Variants in PPARGC1A observed in about 807,000 individuals in gnomAD.
The protein encoded by PPARGC1A is PPARG coactivator 1 alpha, also known as peroxisome proliferator-activated receptor gamma coactivator 1-alpha.
A neutral mutation model predicts 88.7 loss-of-function variants in PPARGC1A; 25 were observed. The ratio of observed to expected loss-of-function variants is 0.28; its 90% CI spans 0.21 to 0.39. The LOEUF (loss-of-function observed/expected upper bound fraction) is 0.39, where lower values mean the gene tolerates loss of function less well. PPARGC1A is among the 10% of genes least tolerant of loss of function. The probability of loss-of-function intolerance (pLI) is 1.00; values close to 1 mark genes in which losing one functional copy is unlikely to be tolerated. For synonymous variants in PPARGC1A, 363 were observed against 355.6 expected (o/e 1.02, Z -0.24); for missense variants, 880 against 968.7 (o/e 0.91, Z 1.22).
the PPARGC1A span, among the ~76,000 whole-genome samples, chr4:24,094,518 A>T: frequency 6.6e-6 from 1 of 152,210 alleles, no homozygotes; most frequent in Non-Finnish European, 1.5e-5. Flanking sequence ...ATGATGCAGA[A>T]ATATGAATTT....
chr4:23,893,157 T>C (rs77493524), upstream of PPARGC1A, among the ~76,000 whole-genome samples: 6,598 of 145,052 alleles, frequency 0.045, 305 homozygotes, highest in African/African-American at 0.13. Context: ...CAGGAGAATC[T>C]ATCTCGAGTT....
chr4:24,026,246 C>G, the PPARGC1A span, among the ~76,000 whole-genome samples: 2 of 152,160 alleles, frequency 1.3e-5, no homozygotes, highest in Non-Finnish European at 2.9e-5. Context: ...CAGTTGCCCT[C>G]CACCTGACTA....
chr4:24,147,706 T>C, the PPARGC1A span, among the ~76,000 whole-genome samples: 380 of 151,652 alleles, frequency 2.5e-3, 1 homozygote, highest in African/African-American at 8.8e-3. Flanking sequence ...AATAGAAGAG[T>C]GAGGTCTTAT....
intron 1 of PPARGC1A, among the ~76,000 whole-genome samples, chr4:23,896,396 C>T (rs539695238): frequency 5.9e-5 from 9 of 152,196 alleles, no homozygotes; most frequent in Admixed American, 2.6e-4. Context: ...TAGCCCCTGA[C>T]GCCCAATATT....
the PPARGC1A span, among the ~76,000 whole-genome samples, chr4:24,440,524 G>T: frequency 6.6e-6 from 1 of 152,112 alleles, no homozygotes; most frequent in Non-Finnish European, 1.5e-5. Context: ...TTTCTTGGCC[G>T]GCCGCAGTGG....
At chr4:24,008,442 A>T in the PPARGC1A span, among the ~76,000 whole-genome samples, 1 of 152,144 alleles carries the variant, frequency 6.6e-6, no homozygotes, top group South Asian at 2.1e-4. Context: ...TACCCTGTGA[A>T]TTGCGATTTG....
At chr4:24,339,235 T>TAC in the PPARGC1A span, among the ~76,000 whole-genome samples, 844 of 110,142 alleles carry the variant, frequency 7.7e-3, 9 homozygotes, top group African/African-American at 0.025. Context: ...TATATATATA[T>TAC]ATACACACAC....
At chr4:23,973,604 C>T in the PPARGC1A span, among the ~76,000 whole-genome samples, 4 of 152,174 alleles carry the variant, frequency 2.6e-5, no homozygotes, top group Admixed American at 6.5e-5. Flanking sequence ...CTTCTCTTTG[C>T]CTTAACGGAA....
the PPARGC1A span, among the ~76,000 whole-genome samples, chr4:24,044,920 G>A: frequency 3.9e-5 from 6 of 152,172 alleles, no homozygotes; most frequent in African/African-American, 1.2e-4. Context: ...ACTTCTGGGC[G>A]GTGCTCAGAG....
chr4:23,899,064 A>T (rs1028485075), intron 1 of PPARGC1A, among the ~76,000 whole-genome samples: 1 of 86,024 alleles, frequency 1.2e-5, no homozygotes, highest in Non-Finnish European at 2.3e-5. Flanking sequence ...CTGGTCTCGA[A>T]CTCCAGACCT....
At chr4:23,988,446 T>G in the PPARGC1A span, among the ~76,000 whole-genome samples, 1 of 152,080 alleles carries the variant, frequency 6.6e-6, no homozygotes, top group Non-Finnish European at 1.5e-5. Flanking sequence ...CCCAGCATGT[T>G]CTTTCCTGAC....
the PPARGC1A span, among the ~76,000 whole-genome samples, chr4:23,999,364 T>C: frequency 1.3e-5 from 2 of 152,214 alleles, no homozygotes; most frequent in Admixed American, 6.5e-5. Flanking sequence ...GTTTAGAGAA[T>C]TGTCATTAAC....
chr4:24,158,470 T>C, the PPARGC1A span, among the ~76,000 whole-genome samples: 2 of 152,230 alleles, frequency 1.3e-5, no homozygotes, highest in East Asian at 1.9e-4. Flanking sequence ...GTTGAATCTC[T>C]AAATGGCCAA....
chr4:24,095,417 C>T, the PPARGC1A span, among the ~76,000 whole-genome samples: 28 of 152,040 alleles, frequency 1.8e-4, no homozygotes, highest in Non-Finnish European at 3.2e-4. Context: ...AGCCACCACA[C>T]CCGGCCAGAG....
the PPARGC1A span, among the ~76,000 whole-genome samples, chr4:24,103,440 G>C: frequency 6.6e-6 from 1 of 152,092 alleles, no homozygotes; most frequent in African/African-American, 2.4e-5. Flanking sequence ...GTAGGATACA[G>C]AAAAGCACGA....
the PPARGC1A span, among the ~76,000 whole-genome samples, chr4:24,091,130 C>A: frequency 1.3e-5 from 2 of 152,196 alleles, no homozygotes. Flanking sequence ...ATTTTTATAT[C>A]GCAATGAACT....
the PPARGC1A span, among the ~76,000 whole-genome samples, chr4:24,238,659 A>T: frequency 6.6e-6 from 1 of 152,088 alleles, no homozygotes; most frequent in African/African-American, 2.4e-5. Flanking sequence ...AGGCTTCTCA[A>T]GAACATTTTA....
the PPARGC1A span, among the ~76,000 whole-genome samples, chr4:23,978,103 G>T: frequency 6.6e-6 from 1 of 152,166 alleles, no homozygotes; most frequent in Non-Finnish European, 1.5e-5. Context: ...TGTCCAATTT[G>T]CATCCTTACT....
chr4:24,225,529 C>CA, the PPARGC1A span, among the ~76,000 whole-genome samples: 185 of 100,958 alleles, frequency 1.8e-3, 2 homozygotes, highest in South Asian at 0.02. Context: ...GACTCCGTCT[C>CA]AAAAAAAAAA....
Sources: gnomAD v4.1 joint callset for allele counts (sites outside exome capture counted in the v4.1 genomes callset) on GRCh38, gnomAD v4.1.1 for gene constraint, MANE v1.5 for transcripts, NCBI Gene and HGNC (gene_info 2026-07-23, HGNC 2026-07-21) for gene names.